The following PRRC2C variants were observed in gnomAD, a reference collection of about 807,000 sequenced individuals.
PRRC2C encodes the protein protein PRRC2C.
In PRRC2C, 72 loss-of-function variants were observed where a neutral mutation model predicts 317.2. That is an observed-to-expected ratio of 0.23 (90% CI 0.19 to 0.28). PRRC2C has a LOEUF of 0.28. Among genes scored for constraint, PRRC2C ranks in the 10% least tolerant of loss-of-function variants. PRRC2C has a pLI of 1.00. For synonymous variants in PRRC2C, 1,296 were observed against 1,205.9 expected, an observed-to-expected ratio of 1.07 and a Z score of -1.55; for missense variants, 3,074 against 3,459.7, an observed-to-expected ratio of 0.89 and a Z score of 2.80.
At chr1:171,529,751 A>G (rs1675422310) in intron 11 of PRRC2C, among the ~76,000 whole-genome samples, 1 of 152,142 alleles carries the variant, frequency 6.6e-6, no homozygotes, top group African/African-American at 2.4e-5. Flanking sequence ...TCCTTGTTCA[A>G]GTCCTTCTCA....
chr1:171,491,798 A>T (rs1667206635), intron 1 of PRRC2C, among the ~76,000 whole-genome samples: 3 of 152,210 alleles, frequency 2.0e-5, no homozygotes, highest in Non-Finnish European at 2.9e-5. Context: ...TGATAAGAGT[A>T]AAACAATACT....
rs748735471 is a variant in PRRC2C, at chr1:171,540,324, G to C, written c.2858G>C (p.Ser953Thr). The change falls in exon 16 of 35, where the codon AGC (serine) becomes ACC (threonine). Residue 953 changes from serine to threonine, a missense_variant. Around this residue, in one of 11 missense-constraint regions of PRRC2C, gnomAD observed 1,320 missense variants for 1,395.7 expected, o/e 0.95. Coordinates refer to ENST00000647382, the MANE Select transcript of PRRC2C (RefSeq NM_001387844.1). ...TCTGCAGGCATTCCTAAAGTAACCAGCAGATGCATTGATTCAAAAGAACCA... is the reference window on the plus strand; with the variant it reads ...TCTGCAGGCATTCCTAAAGTAACCACCAGATGCATTGATTCAAAAGAACCA... Reference protein sequence around the residue: ...EPSAGIPKVTSRCIDSKEPIE... With the variant: ...EPSAGIPKVTTRCIDSKEPIE... 50 of 1,613,444 alleles carry C rather than the reference G, an allele frequency of 3.1e-5. No individual in the cohort carries two copies. The highest frequency in any genetic ancestry group is 4.1e-5 in the Non-Finnish European group (48 of 1,179,792).
intron 1 of PRRC2C, among the ~76,000 whole-genome samples, chr1:171,497,700 C>A (rs915166358): frequency 6.6e-6 from 1 of 152,172 alleles, no homozygotes; most frequent in African/African-American, 2.4e-5. Flanking sequence ...AACTCCTGGG[C>A]TCAAGTGGTC....
intron 1 of PRRC2C, among the ~76,000 whole-genome samples, chr1:171,487,751 A>G (rs1199411462): frequency 6.6e-6 from 1 of 152,220 alleles, no homozygotes; most frequent in African/African-American, 2.4e-5. Context: ...CTTAGTGCAT[A>G]GTAAAAGGTC....
chr1:171,518,798 T>A (rs1184311218), intron 6 of PRRC2C, among the ~76,000 whole-genome samples: 1 of 151,322 alleles, frequency 6.6e-6, no homozygotes, highest in African/African-American at 2.4e-5. Context: ...CCACCTCACT[T>A]GGCCTTTAAA....
chr1:171,508,481 A>G (rs1169293120), intron 1 of PRRC2C, among the ~76,000 whole-genome samples: 1 of 152,210 alleles, frequency 6.6e-6, no homozygotes, highest in Non-Finnish European at 1.5e-5. Context: ...CATTCTAGGG[A>G]TAAATCAAAC....
intron 16 of PRRC2C, 65 bp from the exon 17 acceptor site, chr1:171,545,414 A>T (rs915792509): frequency 1.4e-4 from 193 of 1,383,712 alleles, no homozygotes; most frequent in Non-Finnish European, 1.7e-4. Context: ...GAAACTGCCA[A>T]TAAGAGCATT....
rs199689088 is a variant in PRRC2C, at chr1:171,589,985, T to TTC, written c.8436+381_8436+382insCT. Among the ~76,000 whole-genome samples the TTC allele has an allele frequency of 1.0e-3, 131 of 128,362 alleles. 4 individuals are homozygous for TTC. In the South Asian group the frequency reaches 0.027, roughly 26 times the overall value. The allele number at this position is 128,362 out of a possible 152,430, so 84.2% of individuals were successfully genotyped here. ...TTATAGACTTCCCCATTTTCTTTCT[T>TTC]TTTTTTTTTTTTTTTAATATATATT... On this transcript the variant is annotated intron_variant, in intron 34 of 34. Transcript: ENST00000647382.
At chr1:171,490,482 A>G (rs1030421349) in intron 1 of PRRC2C, among the ~76,000 whole-genome samples, 25 of 152,252 alleles carry the variant, frequency 1.6e-4, no homozygotes, top group African/African-American at 5.5e-4. Flanking sequence ...GAATAGAGAT[A>G]TGAATTAGTC....
intron 28 of PRRC2C, among the ~76,000 whole-genome samples, chr1:171,580,248 A>T (rs1283369221): frequency 6.6e-6 from 1 of 152,246 alleles, no homozygotes; most frequent in Non-Finnish European, 1.5e-5. Context: ...TAAAGAACCT[A>T]AAAGTATGTG....
At chr1:171,490,262 A>G (rs1007350835) in intron 1 of PRRC2C, among the ~76,000 whole-genome samples, 2 of 152,154 alleles carry the variant, frequency 1.3e-5, no homozygotes, top group Non-Finnish European at 1.5e-5. Flanking sequence ...GCTTCCCCCC[A>G]ACATGTTTTA....
intron 1 of PRRC2C, among the ~76,000 whole-genome samples, chr1:171,489,515 G>A (rs1033527053): frequency 6.6e-6 from 1 of 152,206 alleles, no homozygotes. Context: ...GAAAATTACA[G>A]ATAGTACAGA....
chr1:171,499,759 G>A (rs541465908), intron 1 of PRRC2C, among the ~76,000 whole-genome samples: 4 of 152,222 alleles, frequency 2.6e-5, no homozygotes, highest in African/African-American at 7.2e-5. Context: ...AGCCAAGATC[G>A]TGCCACTGCA....
rs578181692 is a variant in PRRC2C, at chr1:171,511,972, T to C, written c.-57-60T>C. ...ATGGGAAGTTTTTTCAGAATTTCTG[T>C]GAACATTTGAATTTACTGAGTTTTT... On this transcript the variant is annotated intron_variant, in intron 1 of 34. Coordinates refer to ENST00000647382, the MANE Select transcript of PRRC2C (RefSeq NM_001387844.1). The C allele has an allele frequency of 5.5e-6, 3 of 546,260 alleles. No individual in the cohort carries two copies. The African/African-American group carries it at 5.8e-5, about 11-fold the overall frequency. The allele number at this position is 546,260 out of a possible 1,614,324, so 33.8% of individuals were successfully genotyped here. A position where few individuals can be genotyped will look rare whatever the true frequency, so the allele number is the denominator to read the frequency against.
In PRRC2C at chr1:171,541,606, G is replaced by A. The variant is rs1349200455; in HGVS notation, c.4140G>A (p.Arg1380=). The part of the protein sequence containing the change: ...PAYRDNQWNP[R]QSEVPKPEDG... Reference sequence around the variant, plus strand: ...ATCGGGACAATCAGTGGAACCCAAGGCAGTCAGAAGTTCCTAAACCAGAAG... The same window carrying A: ...ATCGGGACAATCAGTGGAACCCAAGACAGTCAGAAGTTCCTAAACCAGAAG... The change falls in exon 16 of 35, where the codon AGG becomes AGA. Residue 1380 remains arginine (R), a synonymous_variant. Coordinates refer to ENST00000647382, the MANE Select transcript of PRRC2C (RefSeq NM_001387844.1). This position sits in a 1 kb window ranked among gnomAD's most constrained non-coding sequence, Gnocchi z 4.1. 6 of 1,613,756 alleles carry A rather than the reference G, an allele frequency of 3.7e-6. No homozygotes were observed. Among genetic ancestry groups the A allele is most frequent in the East Asian group, 2.2e-5 (1 of 44,862 alleles).
intron 19 of PRRC2C, among the ~76,000 whole-genome samples, chr1:171,559,938 G>A (rs749708273): frequency 1.2e-4 from 19 of 152,194 alleles, no homozygotes; most frequent in Admixed American, 4.6e-4. Context: ...CTAGAGTTGT[G>A]ATGAAGATAT....
Position 171,577,446 on chromosome 1 carries a change from A to C in PRRC2C, c.6968A>C (p.Tyr2323Ser). Residue 2323 changes from tyrosine to serine, a missense_variant, in exon 26 of 35, where the codon TAC (tyrosine) becomes TCC (serine). This residue lies in a region of PRRC2C where 490 missense variants were observed against 663.1 expected (regional missense o/e 0.74). Coordinates refer to ENST00000647382, the MANE Select transcript of PRRC2C (RefSeq NM_001387844.1). ...PTASLSGAGT[Y>S]TTSSLSTKST... is the part of the protein sequence containing the mutation. ...TCCCCAAATATAGGAGCTGGTACAT[A>C]CACTACCTCTTCTTTGAGCACAAAA... 6.2e-7 allele frequency: 1 copy of C among 1,606,470 alleles called. No homozygotes were observed. The highest frequency in any genetic ancestry group is 8.5e-7 in the Non-Finnish European group (1 of 1,173,656).
At position 171,504,392 on chromosome 1, in the gene PRRC2C, AGTTTTACAGTTTCAG is replaced by A; in HGVS notation, c.-57-7631_-57-7617del. 3.3e-5 allele frequency among the ~76,000 whole-genome samples: 5 copies of A among 152,272 alleles called. 1 individual carries two copies. In the South Asian group the frequency reaches 1.0e-3, roughly 32 times the overall value. Reference sequence around the variant, plus strand: ...AAAGATTTTCTATGTTTTCTCTGGAAGTTTTACAGTTTCAGGTTTTACATTTTGTCTATGGTTCAT... The same window carrying A: ...AAAGATTTTCTATGTTTTCTCTGGAAGTTTTACATTTTGTCTATGGTTCAT... On this transcript the variant is annotated intron_variant, in intron 1 of 34. Transcript: ENST00000647382.
chr1:171,562,052 G>A (rs192625460), intron 20 of PRRC2C, among the ~76,000 whole-genome samples: 2 of 152,244 alleles, frequency 1.3e-5, no homozygotes, highest in Non-Finnish European at 2.9e-5. Context: ...AAGCAGGAAA[G>A]GTACATAAGG....
Sources: gnomAD v4.1 joint callset for allele counts (sites outside exome capture counted in the v4.1 genomes callset) on GRCh38, gnomAD v4.1.1 for gene constraint, gnomAD v4.1.1 regional missense constraint, Gnocchi (gnomAD v3.1) non-coding constraint, MANE v1.5 for transcripts, NCBI Gene and HGNC (gene_info 2026-07-23, HGNC 2026-07-21) for gene names.